Variants in FARS2 observed in about 807,000 individuals in gnomAD.
FARS2 encodes the protein phenylalanyl-tRNA synthetase 2, mitochondrial.
In FARS2, 40 loss-of-function variants were observed where a neutral mutation model predicts 46.4. The ratio of observed to expected loss-of-function variants is 0.86; its 90% CI spans 0.67 to 1.12. The LOEUF is 1.12. Ranked by LOEUF, FARS2 falls within the 50% of genes most tolerant of loss-of-function variation. The pLI is 0.00. For missense variants in FARS2, 513 were observed against 567.9 expected (o/e 0.90, Z 0.98); for synonymous variants, 234 against 214.9 (o/e 1.09, Z -0.78).
chr6:5,666,925 G>C (rs944162020), intron 6 of FARS2, among the ~76,000 whole-genome samples: 8 of 152,142 alleles, frequency 5.3e-5, no homozygotes, highest in African/African-American at 1.9e-4. Context: ...GCAGAAACAT[G>C]GACAGAGCTG....
intron 4 of FARS2, among the ~76,000 whole-genome samples, chr6:5,492,967 A>G (rs1248756363): frequency 6.6e-6 from 1 of 150,578 alleles, no homozygotes. Flanking sequence ...TTCCTGTAAT[A>G]TGGTCTCCAT....
At chr6:5,270,700 T>G (rs775019094) in intron 1 of FARS2, among the ~76,000 whole-genome samples, 2 of 152,226 alleles carry the variant, frequency 1.3e-5, no homozygotes, top group African/African-American at 4.8e-5. Context: ...TGCAGCACTT[T>G]TAGGATGAAG....
chr6:5,592,966 C>G (rs1276880971), intron 5 of FARS2, among the ~76,000 whole-genome samples: 1 of 152,216 alleles, frequency 6.6e-6, no homozygotes, highest in African/African-American at 2.4e-5. Context: ...GCAGCCCAGC[C>G]TCTTAAGGCG....
At chr6:5,606,847 T>C (rs1774867250) in intron 5 of FARS2, among the ~76,000 whole-genome samples, 1 of 152,148 alleles carries the variant, frequency 6.6e-6, no homozygotes, top group African/African-American at 2.4e-5. Flanking sequence ...TTTGCGTGTG[T>C]TTGTTTTTAG....
In FARS2 at chr6:5,730,615, G is replaced by A. The variant is rs73364226; in HGVS notation, c.1218-40676G>A. 5.9e-3 allele frequency among the ~76,000 whole-genome samples: 893 copies of A among 152,124 alleles called. 8 individuals carry two copies. Among genetic ancestry groups the A allele is most frequent in the African/African-American group, 0.02 (838 of 41,500 alleles). ...CACCATCATCAGTTAATATGTCCGA[G>A]CCCAGGGCCAGTAGAGAGGAATTAA... On this transcript the variant is annotated intron_variant, in intron 6 of 6. Coordinates refer to ENST00000274680, the MANE Select transcript of FARS2 (RefSeq NM_006567.5).
At chr6:5,701,154 G>C (rs1469337812) in intron 6 of FARS2, among the ~76,000 whole-genome samples, 3 of 152,252 alleles carry the variant, frequency 2.0e-5, no homozygotes, top group African/African-American at 7.2e-5. Context: ...CAAGTGTGCA[G>C]TCACCGTGGG....
intron 1 of FARS2, among the ~76,000 whole-genome samples, chr6:5,327,886 T>G (rs942141306): frequency 6.6e-6 from 1 of 152,222 alleles, no homozygotes; most frequent in African/African-American, 2.4e-5. Flanking sequence ...GACCCTGTGT[T>G]GACTTCCACT....
chr6:5,633,103 T>G (rs1162875622), intron 6 of FARS2, among the ~76,000 whole-genome samples: 5 of 152,010 alleles, frequency 3.3e-5, no homozygotes, highest in Admixed American at 2.6e-4. Context: ...GAGTAAAATT[T>G]AAATTCCCCA....
At chr6:5,446,462 T>A (rs138057220) in intron 4 of FARS2, among the ~76,000 whole-genome samples, 1 of 152,246 alleles carries the variant, frequency 6.6e-6, no homozygotes, top group East Asian at 1.9e-4. Flanking sequence ...AAGCAAACTT[T>A]TAAGTATCTG....
intron 4 of FARS2, among the ~76,000 whole-genome samples, chr6:5,528,602 G>A (rs1052867839): frequency 6.6e-6 from 1 of 152,188 alleles, no homozygotes; most frequent in African/African-American, 2.4e-5. Flanking sequence ...TTGGTTGACT[G>A]ACTCAGTGGC....
intron 6 of FARS2, among the ~76,000 whole-genome samples, chr6:5,736,238 C>T (rs566742289): frequency 1.3e-5 from 2 of 152,334 alleles, no homozygotes; most frequent in South Asian, 2.1e-4. Context: ...CTGGATTCCC[C>T]AGGGAGTGAC....
chr6:5,502,554 A>G (rs1186642381), intron 4 of FARS2, among the ~76,000 whole-genome samples: 1 of 152,248 alleles, frequency 6.6e-6, no homozygotes, highest in Non-Finnish European at 1.5e-5. Context: ...TCAGAACAGT[A>G]TCACTGACCA....
At chr6:5,444,735 C>T (rs1334217620) in intron 4 of FARS2, among the ~76,000 whole-genome samples, 1 of 152,018 alleles carries the variant, frequency 6.6e-6, no homozygotes, top group Non-Finnish European at 1.5e-5. Flanking sequence ...CACTCCTCAT[C>T]CCAATGTTCG....
intron 6 of FARS2, among the ~76,000 whole-genome samples, chr6:5,709,770 G>A (rs1759023563): frequency 1.3e-5 from 2 of 151,822 alleles, no homozygotes; most frequent in Non-Finnish European, 2.9e-5. Flanking sequence ...GTGTGTGTGA[G>A]ATTCTGATGT....
At chr6:5,438,546 A>G (rs962099124) in intron 4 of FARS2, among the ~76,000 whole-genome samples, 1 of 151,248 alleles carries the variant, frequency 6.6e-6, no homozygotes, top group Non-Finnish European at 1.5e-5. Flanking sequence ...GTTTTGTTTT[A>G]TAGTTCCTAT....
intron 5 of FARS2, among the ~76,000 whole-genome samples, chr6:5,566,688 T>C (rs1772341557): frequency 1.3e-5 from 2 of 152,346 alleles, no homozygotes; most frequent in African/African-American, 2.4e-5. Context: ...TGAAGGACTT[T>C]TAAATATACC....
chr6:5,687,363 A>G (rs1327714178), intron 6 of FARS2, among the ~76,000 whole-genome samples: 1 of 152,164 alleles, frequency 6.6e-6, no homozygotes, highest in African/African-American at 2.4e-5. Context: ...TCCATCTCGC[A>G]TTAATTTTTG....
At position 5,368,560 on chromosome 6, in the gene FARS2, A is replaced by G; in HGVS notation, c.-11A>G. 6.3e-7 allele frequency: 1 copy of G among 1,595,062 alleles called. No homozygotes were observed. Among genetic ancestry groups the G allele is most frequent in the South Asian group, 1.1e-5 (1 of 88,246 alleles). Reference sequence around the variant, plus strand: ...GTGTGCTCTTTCCAGAACCTGTGAGAAGTTTCTACAATGGTGGGCTCAGCT... The same window carrying G: ...GTGTGCTCTTTCCAGAACCTGTGAGGAGTTTCTACAATGGTGGGCTCAGCT... On this transcript the variant is annotated 5_prime_UTR_variant, in exon 2 of 7. Coordinates refer to ENST00000274680, the MANE Select transcript of FARS2 (RefSeq NM_006567.5).
intron 1 of FARS2, among the ~76,000 whole-genome samples, chr6:5,293,036 T>C (rs1767612611): frequency 6.6e-6 from 1 of 152,296 alleles, no homozygotes; most frequent in South Asian, 2.1e-4. Flanking sequence ...AGAAAAGCAC[T>C]GACAAGTGGC....
Sources: gnomAD v4.1 joint callset for allele counts (sites outside exome capture counted in the v4.1 genomes callset) on GRCh38, gnomAD v4.1.1 for gene constraint, MANE v1.5 for transcripts, NCBI Gene and HGNC (gene_info 2026-07-23, HGNC 2026-07-21) for gene names.